The following SGCD variants were observed in gnomAD, a reference collection of about 807,000 sequenced individuals.
SGCD encodes sarcoglycan delta, also known as delta-sarcoglycan.
In SGCD, 18 loss-of-function variants were observed where a neutral mutation model predicts 36.6. The ratio of observed to expected loss-of-function variants is 0.49; its 90% CI spans 0.34 to 0.73. SGCD has a LOEUF of 0.73. Ranked by LOEUF, SGCD falls within the 30% of genes least tolerant of loss-of-function variation. The pLI, the probability that SGCD is intolerant of heterozygous loss-of-function variation, is 0.01. For missense variants in SGCD, 387 were observed against 346.7 expected (o/e 1.12, Z -0.92); for synonymous variants, 133 against 130.6 (o/e 1.02, Z -0.12).
chr5:156,219,182 T>G (rs1211532806), intron 3 of SGCD, among the ~76,000 whole-genome samples: 3 of 152,216 alleles, frequency 2.0e-5, no homozygotes, highest in South Asian at 4.1e-4. Flanking sequence ...CGAAACTCAT[T>G]GGACCCCTTA....
chr5:155,833,524 A>G, the SGCD span, among the ~76,000 whole-genome samples: 2 of 152,326 alleles, frequency 1.3e-5, no homozygotes, highest in East Asian at 3.9e-4. Flanking sequence ...GAAGACATCA[A>G]AAGAATTGTT....
intron 1 of SGCD, among the ~76,000 whole-genome samples, chr5:156,100,994 A>G (rs1761504523): frequency 6.6e-6 from 1 of 152,076 alleles, no homozygotes; most frequent in African/African-American, 2.4e-5. Context: ...AGGCCTGGAG[A>G]GTGGAGCCCT....
intron 4 of SGCD, among the ~76,000 whole-genome samples, chr5:156,527,121 T>C (rs919212567): frequency 1.3e-5 from 2 of 152,170 alleles, no homozygotes; most frequent in African/African-American, 4.8e-5. Flanking sequence ...TCTCTTTTAT[T>C]TGAAGGCTTC....
At chr5:155,958,093 A>G (rs1757703835) in intron 1 of SGCD, among the ~76,000 whole-genome samples, 1 of 152,094 alleles carries the variant, frequency 6.6e-6, no homozygotes, top group Admixed American at 6.6e-5. Context: ...TTACCATGGC[A>G]ATATAACAGC....
chr5:156,280,038 C>T (rs1356656703), intron 3 of SGCD, among the ~76,000 whole-genome samples: 1 of 151,998 alleles, frequency 6.6e-6, no homozygotes, highest in African/African-American at 2.4e-5. Flanking sequence ...TCTTGTCTCC[C>T]TCATTTCTAA....
chr5:156,449,677 CAAAAAAAA>C lies in SGCD; in HGVS notation c.193-58906_193-58899del, dbSNP rs397883573. On this transcript the variant is annotated intron_variant, in intron 3 of 8. Transcript: ENST00000337851. ...TGAAACTCCGTCTCTACTAAAAATA[CAAAAAAAA>C]AAAAAAAAAAAAAAAAATCAGCCGG... 7.1e-3 allele frequency among the ~76,000 whole-genome samples: 325 copies of C among 46,060 alleles called. 1 individual carries two copies. The highest frequency in any genetic ancestry group is 0.026 in the African/African-American group (305 of 11,572). 30.2% of individuals were successfully genotyped at this position (46,060 alleles called of 152,430 possible).
At chr5:155,779,904 T>C in the SGCD span, among the ~76,000 whole-genome samples, 13 of 152,170 alleles carry the variant, frequency 8.5e-5, no homozygotes, top group Non-Finnish European at 1.5e-4. Flanking sequence ...TAAGAGGAAA[T>C]CTGAGTACTT....
At chr5:155,903,589 AG>A (rs1756436610) in intron 1 of SGCD, among the ~76,000 whole-genome samples, 1 of 152,152 alleles carries the variant, frequency 6.6e-6, no homozygotes, top group Non-Finnish European at 1.5e-5. Flanking sequence ...TGATTGTGGA[AG>A]GGACTCTGAC....
At chr5:156,715,593 A>T (rs932599120) in intron 7 of SGCD, among the ~76,000 whole-genome samples, 14 of 152,168 alleles carry the variant, frequency 9.2e-5, no homozygotes, top group African/African-American at 3.4e-4. Flanking sequence ...AGACTGAGAG[A>T]TGCTATATTG....
chr5:156,375,149 C>T (rs774133730), intron 3 of SGCD, among the ~76,000 whole-genome samples: 1 of 152,088 alleles, frequency 6.6e-6, no homozygotes, highest in Non-Finnish European at 1.5e-5. Context: ...TCTCTGTCAA[C>T]CTCTCTCTTT....
At position 156,703,804 on chromosome 5, in the gene SGCD, T is replaced by C. The variant is rs116623390; in HGVS notation, c.576-53777T>C. ...TAGATCTTATAATTTTCTCCCACCA[T>C]GTATTAATGCCTTCCAGAGAGCAAG... On this transcript the variant is annotated intron_variant, in intron 7 of 8. Transcript: ENST00000337851. Among the ~76,000 whole-genome samples, 184 of 152,272 alleles carry C rather than the reference T, an allele frequency of 1.2e-3. 1 individual carries two copies. Among genetic ancestry groups the C allele is most frequent in the African/African-American group, 4.2e-3 (174 of 41,562 alleles).
intron 3 of SGCD, among the ~76,000 whole-genome samples, chr5:156,164,710 C>T (rs543429217): frequency 1.7e-4 from 26 of 152,148 alleles, no homozygotes; most frequent in Non-Finnish European, 3.4e-4. Context: ...CTAAGCATTG[C>T]CTTTCTGTTC....
chr5:155,852,557 A>G, the SGCD span, among the ~76,000 whole-genome samples: 2 of 152,290 alleles, frequency 1.3e-5, no homozygotes, highest in East Asian at 3.9e-4. Context: ...ATTAAGTGCT[A>G]CATGTCAAAG....
intron 1 of SGCD, among the ~76,000 whole-genome samples, chr5:155,957,661 A>T (rs1757691088): frequency 6.6e-6 from 1 of 151,916 alleles, no homozygotes. Flanking sequence ...CTCTGACCTG[A>T]CCCTTCTGCC....
intron 3 of SGCD, among the ~76,000 whole-genome samples, chr5:156,169,195 A>C (rs1212192952): frequency 1.3e-5 from 2 of 152,198 alleles, no homozygotes; most frequent in African/African-American, 2.4e-5. Flanking sequence ...AGGCTCCTCC[A>C]AGGAGGTTTG....
chr5:156,640,370 C>A (rs1417295109), intron 6 of SGCD, among the ~76,000 whole-genome samples: 1 of 134,808 alleles, frequency 7.4e-6, no homozygotes, highest in African/African-American at 2.5e-5. Flanking sequence ...TTCCCAAGAA[C>A]CAGTTTTTGC....
the SGCD span, among the ~76,000 whole-genome samples, chr5:155,788,107 G>T: frequency 1.3e-5 from 2 of 152,226 alleles, no homozygotes; most frequent in African/African-American, 4.8e-5. Context: ...ATATATAGGT[G>T]TGACTCTTTA....
intron 1 of SGCD, among the ~76,000 whole-genome samples, chr5:155,880,390 C>A (rs1288832045): frequency 6.6e-6 from 1 of 152,152 alleles, no homozygotes; most frequent in Non-Finnish European, 1.5e-5. Context: ...GGTATTCTGA[C>A]TTAACTATTG....
At chr5:155,970,158 A>G (rs1236985757) in intron 1 of SGCD, among the ~76,000 whole-genome samples, 1 of 152,016 alleles carries the variant, frequency 6.6e-6, no homozygotes, top group African/African-American at 2.4e-5. Flanking sequence ...CCCCTTTACT[A>G]AGGACAATAA....
Sources: allele counts gnomAD v4.1 joint callset (sites outside exome capture counted in the v4.1 genomes callset), GRCh38; gene constraint gnomAD v4.1.1; transcripts MANE v1.5; gene names NCBI Gene and HGNC (gene_info 2026-07-23, HGNC 2026-07-21).